CGNL1: variants seen among roughly 807,000 people sequenced by gnomAD.
CGNL1 encodes the protein cingulin like 1, also known as cingulin-like protein 1.
In CGNL1, 132 loss-of-function variants were observed where a neutral mutation model predicts 141.2. The ratio of observed to expected loss-of-function variants is 0.93; its 90% CI spans 0.81 to 1.08. The LOEUF (loss-of-function observed/expected upper bound fraction) is 1.08, where lower values mean the gene tolerates loss of function less well. CGNL1 is among the 50% of genes least tolerant of loss of function. CGNL1 has a pLI of 0.00. For missense variants in CGNL1, 1,870 were observed against 1,588.6 expected, an observed-to-expected ratio of 1.18 and a Z score of -3.01; for synonymous variants, 690 against 622.1, an observed-to-expected ratio of 1.11 and a Z score of -1.63.
Position 57,531,672 on chromosome 15 carries a change from T to A in CGNL1, c.3202-18T>A. On this transcript the variant is annotated intron_variant, in intron 13 of 18. Coordinates refer to ENST00000281282, the MANE Select transcript of CGNL1 (RefSeq NM_032866.5). ...TCAGTGCAAGTTAAGTCAACTGTGT[T>A]TGTGATTTCCTTCTTAGGACAAGGT... is the stretch of plus-strand genomic sequence containing the variant. 2 of 1,559,718 alleles carry A rather than the reference T, an allele frequency of 1.3e-6. No individual in the cohort carries two copies. The highest frequency in any genetic ancestry group is 1.8e-6 in the Non-Finnish European group (2 of 1,130,428).
rs1311827335 is a variant in CGNL1, at chr15:57,439,042, G to T, written c.1043G>T (p.Gly348Val). Residue 348 changes from glycine (G) to valine (V), a missense_variant, in exon 2 of 19, where the codon GGA becomes GTA. Transcript: ENST00000281282. ...LPGTGRDIDT[G>V]SIPGVDQLIE... ...GGAACTGGACGGGATATTGATACAGGATCAATTCCTGGTGTGGATCAGTTA... is the reference window on the plus strand; with the variant it reads ...GGAACTGGACGGGATATTGATACAGTATCAATTCCTGGTGTGGATCAGTTA... The T allele has an allele frequency of 1.2e-6, 2 of 1,614,032 alleles. No homozygotes were observed. The highest frequency in any genetic ancestry group is 1.7e-6 in the Non-Finnish European group (2 of 1,179,990).
intron 1 of CGNL1, among the ~76,000 whole-genome samples, chr15:57,381,301 T>C (rs2062421873): frequency 6.6e-6 from 1 of 152,174 alleles, no homozygotes; most frequent in Admixed American, 6.5e-5. Context: ...TTCTCATGCC[T>C]GTAATCCCAG....
At chr15:57,388,347 T>G (rs1485479735) in intron 1 of CGNL1, among the ~76,000 whole-genome samples, 2 of 152,224 alleles carry the variant, frequency 1.3e-5, no homozygotes, top group African/African-American at 4.8e-5. Flanking sequence ...GGTCTTTCCT[T>G]TGTGCTGGAC....
chr15:57,467,069 T>G (rs1378103866), intron 8 of CGNL1, among the ~76,000 whole-genome samples: 1 of 152,194 alleles, frequency 6.6e-6, no homozygotes, highest in African/African-American at 2.4e-5. Flanking sequence ...TGCATTATTT[T>G]TAAATACAGC....
intron 14 of CGNL1, among the ~76,000 whole-genome samples, chr15:57,533,525 G>A (rs538871727): frequency 1.2e-3 from 190 of 152,314 alleles, no homozygotes; most frequent in African/African-American, 4.4e-3. Flanking sequence ...TTTTGCCAGC[G>A]CTTCTTGTGG....
At chr15:57,535,667 G>A (rs1445496284) in intron 14 of CGNL1, among the ~76,000 whole-genome samples, 1 of 152,234 alleles carries the variant, frequency 6.6e-6, no homozygotes, top group Non-Finnish European at 1.5e-5. Flanking sequence ...TAAGTTTGAA[G>A]AGGCAGACTG....
At chr15:57,380,527 G>A (rs1458980120) in intron 1 of CGNL1, among the ~76,000 whole-genome samples, 1 of 152,156 alleles carries the variant, frequency 6.6e-6, no homozygotes, top group Non-Finnish European at 1.5e-5. Flanking sequence ...AGCCTCGCCT[G>A]GGTAGATGCC....
At chr15:57,526,773 C>T (rs1428413942) in intron 12 of CGNL1, among the ~76,000 whole-genome samples, 2 of 152,138 alleles carry the variant, frequency 1.3e-5, no homozygotes, top group Non-Finnish European at 2.9e-5. Flanking sequence ...TGCCGGCCCT[C>T]GTCAAGGACT....
intron 8 of CGNL1, among the ~76,000 whole-genome samples, chr15:57,466,922 T>C (rs2063517533): frequency 2.0e-5 from 3 of 152,160 alleles, no homozygotes; most frequent in Non-Finnish European, 4.4e-5. Context: ...AATATGACTT[T>C]TGGGCCATTA....
chr15:57,510,714 C>T (rs535531230), intron 8 of CGNL1, among the ~76,000 whole-genome samples: 7 of 152,354 alleles, frequency 4.6e-5, no homozygotes, highest in African/African-American at 1.7e-4. Flanking sequence ...GGATGTCTCT[C>T]ATCACCCCAC....
intron 1 of CGNL1, among the ~76,000 whole-genome samples, chr15:57,382,355 TAG>T (rs1222539756): frequency 6.6e-6 from 1 of 152,168 alleles, no homozygotes; most frequent in Non-Finnish European, 1.5e-5. Flanking sequence ...GTCATGGAGT[TAG>T]AGTGTTTGGG....
intron 1 of CGNL1, among the ~76,000 whole-genome samples, chr15:57,413,383 C>T (rs2062814420): frequency 6.6e-6 from 1 of 151,704 alleles, no homozygotes. Context: ...CTCAAGCCAT[C>T]CTCCGAGCTC....
intron 1 of CGNL1, among the ~76,000 whole-genome samples, chr15:57,405,672 C>T (rs1458970338): frequency 6.6e-6 from 1 of 152,156 alleles, no homozygotes; most frequent in East Asian, 1.9e-4. Flanking sequence ...TCCCTCAGCC[C>T]AGACTCTGAG....
Position 57,438,196 on chromosome 15 carries a change from G to T in CGNL1, c.197G>T (p.Gly66Val), listed in dbSNP as rs764627311. 4.0e-5 allele frequency: 65 copies of T among 1,614,016 alleles called. No homozygotes were observed. Among genetic ancestry groups the T allele is most frequent in the Non-Finnish European group, 5.3e-5 (62 of 1,180,020 alleles). The part of the protein sequence containing the change: ...VLNNTERCLA[G>V]TSFSENGPPF... Reference sequence around the variant, plus strand: ...AATAACACAGAACGGTGCCTAGCAGGCACATCGTTTTCTGAAAATGGGCCA... The same window carrying T: ...AATAACACAGAACGGTGCCTAGCAGTCACATCGTTTTCTGAAAATGGGCCA... The change falls in exon 2 of 19, where the codon GGC becomes GTC. Residue 66 changes from glycine to valine, a missense_variant. Transcript: ENST00000281282.
At chr15:57,414,200 G>T (rs1461778811) in intron 1 of CGNL1, among the ~76,000 whole-genome samples, 1 of 152,164 alleles carries the variant, frequency 6.6e-6, no homozygotes, top group Non-Finnish European at 1.5e-5. Flanking sequence ...TGCTAAGGGG[G>T]CTGCTGGGCT....
At chr15:57,408,991 A>T (rs1381192356) in intron 1 of CGNL1, among the ~76,000 whole-genome samples, 1 of 151,246 alleles carries the variant, frequency 6.6e-6, no homozygotes, top group Non-Finnish European at 1.5e-5. Flanking sequence ...CAGTGAGCCG[A>T]AATGGCACCA....
At chr15:57,384,642 T>C (rs1263728592) in intron 1 of CGNL1, among the ~76,000 whole-genome samples, 2 of 151,356 alleles carry the variant, frequency 1.3e-5, no homozygotes, top group African/African-American at 4.9e-5. Flanking sequence ...AAGTGCTCTT[T>C]GTTTATGTGT....
intron 1 of CGNL1, among the ~76,000 whole-genome samples, chr15:57,435,461 G>A (rs962096922): frequency 1.3e-5 from 2 of 150,830 alleles, no homozygotes; most frequent in African/African-American, 4.9e-5. Context: ...ATCAGGGAAG[G>A]GAAGCTGAAG....
chr15:57,410,107 G>T (rs1372456419), intron 1 of CGNL1, among the ~76,000 whole-genome samples: 1 of 152,194 alleles, frequency 6.6e-6, no homozygotes, highest in African/African-American at 2.4e-5. Context: ...TAGTTCAGGG[G>T]ATCATTTGCA....
Sources: gnomAD v4.1 joint callset for allele counts (sites outside exome capture counted in the v4.1 genomes callset) on GRCh38, gnomAD v4.1.1 for gene constraint, MANE v1.5 for transcripts, NCBI Gene and HGNC (gene_info 2026-07-23, HGNC 2026-07-21) for gene names.